TBL1X: variants seen among roughly 807,000 people sequenced by gnomAD.
TBL1X encodes the protein F-box-like/WD repeat-containing protein TBL1X.
In TBL1X, 10 loss-of-function variants were observed where a neutral mutation model predicts 50.7. The ratio of observed to expected loss-of-function variants is 0.20; its 90% CI spans 0.12 to 0.33. The LOEUF is 0.33. Ranked by LOEUF, TBL1X falls within the 10% of genes least tolerant of loss-of-function variation. TBL1X has a pLI of 1.00. For synonymous variants in TBL1X, 190 were observed against 214.7 expected (o/e 0.88, Z 1.01); for missense variants, 340 against 504.4 (o/e 0.67, Z 3.12).
chrX:9,560,981 A>C (rs1207644887), intron 2 of TBL1X, among the ~76,000 whole-genome samples: 1 of 111,233 alleles, frequency 9.0e-6, no homozygotes, highest in East Asian at 2.8e-4. Context: ...AGTTGTGACA[A>C]CCTGAAACAT....
chrX:9,564,358 A>G lies in TBL1X; in HGVS notation c.-131+62509A>G, dbSNP rs370665358. Among the ~76,000 whole-genome samples, 19 of 111,968 alleles carry G rather than the reference A, an allele frequency of 1.7e-4. No homozygotes were observed. The East Asian group carries it at 5.3e-3, about 32-fold the overall frequency. ...AAGGGGGAGGTTTGGGATCTTGGAA[A>G]CAGAAAGAGGCAGAAGGAATTCTCA... is the stretch of plus-strand genomic sequence containing the variant. On this transcript the variant is annotated intron_variant, in intron 2 of 17. Transcript: ENST00000645353.
chrX:9,643,029 G>C (rs1422467664), intron 3 of TBL1X, among the ~76,000 whole-genome samples: 1 of 112,479 alleles, frequency 8.9e-6, no homozygotes, highest in South Asian at 3.7e-4. Flanking sequence ...TGATTACGTA[G>C]CGAAGGCACT....
chrX:9,657,554 C>T (rs1047750345), intron 5 of TBL1X, among the ~76,000 whole-genome samples: 2 of 112,561 alleles, frequency 1.8e-5, no homozygotes, highest in African/African-American at 6.5e-5. Flanking sequence ...TCTTCAAACT[C>T]GGAAAAGAAC....
chrX:9,523,645 G>A lies in TBL1X; in HGVS notation c.-131+21796G>A, dbSNP rs143227688. 6.8e-4 allele frequency among the ~76,000 whole-genome samples: 76 copies of A among 112,267 alleles called. No homozygotes were observed. In the East Asian group the frequency reaches 0.018, roughly 27 times the overall value. On this transcript the variant is annotated intron_variant, in intron 2 of 17. Transcript: ENST00000645353. ...GTGGGGACAGAGACTTCAGCGAGGC[G>A]CCCCCAGCCCCACCCTTGACGGGAA...
intron 1 of TBL1X, among the ~76,000 whole-genome samples, chrX:9,468,769 C>T (rs988247860): frequency 1.1e-4 from 12 of 109,585 alleles, no homozygotes; most frequent in South Asian, 3.9e-4. Context: ...ATATAGGGGT[C>T]GGGTAGAGGG....
chrX:9,707,225 C>T (rs2083213916), intron 13 of TBL1X, among the ~76,000 whole-genome samples: 1 of 110,987 alleles, frequency 9.0e-6, no homozygotes, highest in Admixed American at 9.5e-5. Flanking sequence ...CCCTAATGCC[C>T]ACCTCTCCCC....
chrX:9,491,937 C>T (rs150259421), intron 1 of TBL1X, among the ~76,000 whole-genome samples: 1,396 of 112,049 alleles, frequency 0.012, 26 homozygotes, highest in African/African-American at 0.044. Flanking sequence ...CAATTGTACA[C>T]AGCAAGCATG....
At chrX:9,650,593 C>T (rs1466901193) in intron 3 of TBL1X, among the ~76,000 whole-genome samples, 1 of 111,577 alleles carries the variant, frequency 9.0e-6, no homozygotes, top group African/African-American at 3.3e-5. Flanking sequence ...TCTTCCTTTC[C>T]ACGGGACTCC....
At chrX:9,507,498 T>C (rs1168838048) in intron 2 of TBL1X, among the ~76,000 whole-genome samples, 5 of 112,217 alleles carry the variant, frequency 4.5e-5, no homozygotes, top group Non-Finnish European at 9.4e-5. Context: ...ATCAGTATCA[T>C]GAAAAGGGCC....
chrX:9,523,080 T>C (rs1268841186), intron 2 of TBL1X, among the ~76,000 whole-genome samples: 2 of 111,891 alleles, frequency 1.8e-5, no homozygotes, highest in African/African-American at 3.3e-5. Flanking sequence ...CACTTGTCTT[T>C]AGCACTAAAA....
intron 5 of TBL1X, among the ~76,000 whole-genome samples, chrX:9,677,199 C>G (rs1241288692): frequency 3.6e-5 from 4 of 111,578 alleles, no homozygotes; most frequent in African/African-American, 1.3e-4. Flanking sequence ...TTCCAGGCAG[C>G]TGCAGTCCTG....
At chrX:9,690,896 C>CTTG (rs1402907507) in intron 7 of TBL1X, among the ~76,000 whole-genome samples, 3 of 110,451 alleles carry the variant, frequency 2.7e-5, no homozygotes, top group African/African-American at 1.0e-4. Context: ...GGCTGGCTAA[C>CTTG]TTCTTGTTGT....
At chrX:9,571,249 G>T (rs921343368) in intron 2 of TBL1X, among the ~76,000 whole-genome samples, 2 of 111,537 alleles carry the variant, frequency 1.8e-5, no homozygotes, top group African/African-American at 6.5e-5. Context: ...TATGGGTGGG[G>T]TGGAGGGGCA....
chrX:9,696,381 C>A (rs1019997758), intron 11 of TBL1X, among the ~76,000 whole-genome samples: 8 of 112,723 alleles, frequency 7.1e-5, no homozygotes, highest in African/African-American at 6.4e-5. Flanking sequence ...AGAACTCTTT[C>A]TTCTTAAAGC....
intron 2 of TBL1X, among the ~76,000 whole-genome samples, chrX:9,540,926 G>A (rs911776207): frequency 8.9e-6 from 1 of 111,784 alleles, no homozygotes; most frequent in Non-Finnish European, 1.9e-5. Flanking sequence ...AGAGAAGGAT[G>A]CCGCATTCAT....
At chrX:9,554,621 AAGT>A (rs1241842977) in intron 2 of TBL1X, among the ~76,000 whole-genome samples, 2 of 112,404 alleles carry the variant, frequency 1.8e-5, no homozygotes, top group African/African-American at 3.2e-5. Context: ...TAAAAATTGG[AAGT>A]AGTCTAGTTT....
At chrX:9,518,507 C>T (rs777120240) in intron 2 of TBL1X, among the ~76,000 whole-genome samples, 1 of 112,141 alleles carries the variant, frequency 8.9e-6, no homozygotes, top group Non-Finnish European at 1.9e-5. Flanking sequence ...TGCCAATAGT[C>T]CTGGGAGAGG....
At chrX:9,466,257 G>T (rs2081773852) in intron 1 of TBL1X, among the ~76,000 whole-genome samples, 1 of 112,572 alleles carries the variant, frequency 8.9e-6, no homozygotes, top group Admixed American at 9.3e-5. Flanking sequence ...ACCGGTGCTC[G>T]GAGTGGAGTA....
At chrX:9,696,516 G>T (rs2083132602) in intron 11 of TBL1X, among the ~76,000 whole-genome samples, 1 of 112,762 alleles carries the variant, frequency 8.9e-6, no homozygotes, top group Non-Finnish European at 1.9e-5. Flanking sequence ...CCTAGCGTCA[G>T]TAAATTCATA....
Sources: allele counts gnomAD v4.1 joint callset (sites outside exome capture counted in the v4.1 genomes callset), GRCh38; gene constraint gnomAD v4.1.1; transcripts MANE v1.5; gene names NCBI Gene and HGNC (gene_info 2026-07-23, HGNC 2026-07-21).